The following ATP8A2 variants were observed in gnomAD, a reference collection of about 807,000 sequenced individuals.
ATP8A2 encodes the protein phospholipid-transporting ATPase IB.
ATP8A2 carries 100 observed loss-of-function variants against 165.6 expected under a neutral mutation model. The observed-to-expected ratio is 0.60, with a 90% CI of 0.51 to 0.71. ATP8A2 has a LOEUF of 0.71. Ranked by LOEUF, ATP8A2 falls within the 30% of genes least tolerant of loss-of-function variation. The pLI is 0.00. For synonymous variants in ATP8A2, 543 were observed against 548.8 expected (o/e 0.99, Z 0.15); for missense variants, 1,227 against 1,479.5 (o/e 0.83, Z 2.80).
intron 25 of ATP8A2, among the ~76,000 whole-genome samples, chr13:25,755,817 G>A (rs547228549): frequency 6.6e-6 from 1 of 152,208 alleles, no homozygotes; most frequent in East Asian, 1.9e-4. Flanking sequence ...TGATGTAGGA[G>A]AATCGATTGA....
In ATP8A2 at chr13:25,500,299, T is replaced by C. The variant is rs551621019; in HGVS notation, c.222-29700T>C. Among the ~76,000 whole-genome samples, 16 of 152,290 alleles carry C rather than the reference T, an allele frequency of 1.1e-4. No individual in the cohort carries two copies. The South Asian group carries it at 2.9e-3, about 28-fold the overall frequency. ...TAGAGAATTCAAGGGAACTCAATTA[T>C]GTTATTGTAGAGCTTTTCTGAAGGT... On this transcript the variant is annotated intron_variant, in intron 2 of 36. Coordinates refer to ENST00000381655, the MANE Select transcript of ATP8A2 (RefSeq NM_016529.6).
chr13:25,453,163 G>T (rs920917611), intron 1 of ATP8A2, among the ~76,000 whole-genome samples: 2 of 151,892 alleles, frequency 1.3e-5, no homozygotes, highest in African/African-American at 4.8e-5. Flanking sequence ...TTTCGCTCTT[G>T]TTGCCCAGGC....
At chr13:25,564,110 C>T in intron 16 of ATP8A2, 79 bp downstream of exon 16, 1 of 1,052,880 alleles carries the variant, frequency 9.5e-7, no homozygotes, top group Non-Finnish European at 1.5e-6. Context: ...TAGTATTTTG[C>T]AAGTTGCAGT....
chr13:25,873,836 C>T lies in ATP8A2; in HGVS notation c.3183+11428C>T, dbSNP rs115696465. The T allele has an allele frequency of 7.0e-3, 1,187 of 169,660 alleles. 17 individuals carry two copies. Among genetic ancestry groups the T allele is most frequent in the African/African-American group, 0.026 (1,089 of 42,078 alleles). 10.5% of individuals were successfully genotyped at this position (169,660 alleles called of 1,614,324 possible). On this transcript the variant is annotated intron_variant, in intron 33 of 36. Transcript: ENST00000381655. ...TGTATATTTAGTTTCACCGTGTTAGCCAGGATGTTGTTGATCTCCTGACCT... is the reference window on the plus strand; with the variant it reads ...TGTATATTTAGTTTCACCGTGTTAGTCAGGATGTTGTTGATCTCCTGACCT...
At chr13:25,716,109 A>G (rs2043249658) in intron 25 of ATP8A2, among the ~76,000 whole-genome samples, 1 of 152,238 alleles carries the variant, frequency 6.6e-6, no homozygotes. Flanking sequence ...TGTTAGCTAC[A>G]AATAACCAGA....
At chr13:25,470,429 A>G (rs1269593185) in intron 2 of ATP8A2, among the ~76,000 whole-genome samples, 1 of 152,190 alleles carries the variant, frequency 6.6e-6, no homozygotes, top group African/African-American at 2.4e-5. Flanking sequence ...GACAAATAAC[A>G]AGTATTGGCA....
intron 1 of ATP8A2, among the ~76,000 whole-genome samples, chr13:25,388,460 C>T (rs2033133235): frequency 6.6e-6 from 1 of 152,150 alleles, no homozygotes. Flanking sequence ...CTTTTAAGGG[C>T]TCAGGACTCT....
At chr13:25,698,101 G>C (rs1001848035) in intron 24 of ATP8A2, among the ~76,000 whole-genome samples, 1 of 152,122 alleles carries the variant, frequency 6.6e-6, no homozygotes, top group Non-Finnish European at 1.5e-5. Context: ...AATAATTTCA[G>C]CAGAATTCTG....
rs570654646 is a variant in ATP8A2 at position 25,898,563 on chromosome 13, G to A, written c.3183+36155G>A. Among the ~76,000 whole-genome samples, 213 of 152,318 alleles carry A rather than the reference G, an allele frequency of 1.4e-3. 1 individual carries two copies. The highest frequency in any genetic ancestry group is 4.4e-3 in the African/African-American group (183 of 41,574). On this transcript the variant is annotated intron_variant, in intron 33 of 36. Coordinates refer to ENST00000381655, the MANE Select transcript of ATP8A2 (RefSeq NM_016529.6). ...TCCTCTCTTCAAAGCTGTCAGACAGGGACATTTAAGTCTGCAGAGGTTATT... is the reference window on the plus strand; with the variant it reads ...TCCTCTCTTCAAAGCTGTCAGACAGAGACATTTAAGTCTGCAGAGGTTATT...
intron 1 of ATP8A2, among the ~76,000 whole-genome samples, chr13:25,418,001 A>C (rs2034183085): frequency 6.6e-6 from 1 of 152,208 alleles, no homozygotes; most frequent in South Asian, 2.1e-4. Flanking sequence ...TGTAAGCTTC[A>C]GATTTTACCT....
chr13:25,608,174 T>C (rs1290216025), intron 24 of ATP8A2, among the ~76,000 whole-genome samples: 1 of 152,182 alleles, frequency 6.6e-6, no homozygotes, highest in African/African-American at 2.4e-5. Flanking sequence ...TGGCTTTTGG[T>C]GAAGGCTTTT....
chr13:25,935,070 T>C (rs1360609515), intron 33 of ATP8A2, among the ~76,000 whole-genome samples: 5 of 152,196 alleles, frequency 3.3e-5, no homozygotes, highest in African/African-American at 1.2e-4. Flanking sequence ...ATGTAAAACA[T>C]TGGATGTCCA....
Position 25,589,705 on chromosome 13 carries a change from T to C in ATP8A2, c.2211+6T>C, listed in dbSNP as rs776276862. 3.1e-6 allele frequency: 5 copies of C among 1,592,192 alleles called. No individual in the cohort carries two copies. The highest frequency in any genetic ancestry group is 3.4e-6 in the Non-Finnish European group (4 of 1,161,336). On this transcript the variant is annotated splice_donor_region_variant and intron_variant, in intron 24 of 36. Coordinates refer to ENST00000381655, the MANE Select transcript of ATP8A2 (RefSeq NM_016529.6). The stretch of plus-strand genomic sequence containing the variant: ...TGAAGGAGGACTCTTTGGATGTAAG[T>C]AGTTTTTCAAAGTTGTATTTGCTTT...
chr13:25,418,633 C>T (rs927082683), intron 1 of ATP8A2, among the ~76,000 whole-genome samples: 3 of 152,178 alleles, frequency 2.0e-5, no homozygotes, highest in Non-Finnish European at 4.4e-5. Context: ...AAAATGGCAT[C>T]TTCCACAGTA....
At chr13:25,803,588 G>A (rs1375564348) in intron 27 of ATP8A2, among the ~76,000 whole-genome samples, 5 of 152,152 alleles carry the variant, frequency 3.3e-5, no homozygotes, top group Admixed American at 1.3e-4. Context: ...TCCAACTCTC[G>A]TGCGTGTGCA....
chr13:25,827,008 C>CT (rs1488209183), intron 27 of ATP8A2, among the ~76,000 whole-genome samples: 32 of 152,162 alleles, frequency 2.1e-4, no homozygotes, highest in Non-Finnish European at 1.5e-4. Context: ...TGGCTCGGCC[C>CT]TCTTCTACCC....
At chr13:26,018,136 A>G (rs1183486702) in intron 36 of ATP8A2, among the ~76,000 whole-genome samples, 1 of 151,572 alleles carries the variant, frequency 6.6e-6, no homozygotes, top group Non-Finnish European at 1.5e-5. Context: ...CTCTCAGGCC[A>G]CCTCTGCAGA....
chr13:25,839,533 T>G lies in ATP8A2; in HGVS notation c.2878-13T>G. On this transcript the variant is annotated splice_polypyrimidine_tract_variant and intron_variant, in intron 29 of 36. Coordinates refer to ENST00000381655, the MANE Select transcript of ATP8A2 (RefSeq NM_016529.6). The stretch of plus-strand genomic sequence containing the variant: ...TGGGCAGCTCCTGACTCCCTTGGTT[T>G]GTTTTTCCTTAGGTTTTCTGGGGTC... 1 of 1,611,580 alleles carries G rather than the reference T, an allele frequency of 6.2e-7. No homozygotes were observed. The highest frequency in any genetic ancestry group is 8.5e-7 in the Non-Finnish European group (1 of 1,177,678).
chr13:25,472,284 C>T (rs9652085), intron 2 of ATP8A2, among the ~76,000 whole-genome samples: 12,931 of 151,736 alleles, frequency 0.085, 883 homozygotes, highest in African/African-American at 0.19. Context: ...GTCCCAGCTA[C>T]TCGAGAGACT....
Sources: gnomAD v4.1 joint callset for allele counts (sites outside exome capture counted in the v4.1 genomes callset) on GRCh38, gnomAD v4.1.1 for gene constraint, MANE v1.5 for transcripts, NCBI Gene and HGNC (gene_info 2026-07-23, HGNC 2026-07-21) for gene names.